Variants in SLC10A7 observed in about 807,000 individuals in gnomAD.
The protein encoded by SLC10A7 is sodium/bile acid cotransporter 7.
In SLC10A7, 29 loss-of-function variants were observed where a neutral mutation model predicts 43.2. The ratio of observed to expected loss-of-function variants is 0.67; its 90% CI spans 0.50 to 0.92. The LOEUF (loss-of-function observed/expected upper bound fraction) is 0.92. SLC10A7 is among the 40% of genes least tolerant of loss of function. SLC10A7 has a pLI of 0.00. For missense variants in SLC10A7, 295 were observed against 403.2 expected (o/e 0.73, Z 2.30); for synonymous variants, 152 against 144.8 (o/e 1.05, Z -0.35).
rs145854219 is a variant in SLC10A7 at position 146,521,658 on chromosome 4, G to T, written c.60C>A (p.Ile20=). ...DWFMVGIVLA[I]AGAKLEPSIG... ...TGGACGGCTCCAGTTTAGCTCCAGC[G>T]ATCGCCAGCACTATTCCGACCATGA... Residue 20 remains isoleucine (I), a synonymous_variant, in exon 1 of 12, where the codon ATC becomes ATA. Coordinates refer to ENST00000335472, the MANE Select transcript of SLC10A7 (RefSeq NM_001029998.6). 1.2e-6 allele frequency: 2 copies of T among 1,614,014 alleles called. No homozygotes were observed. Among genetic ancestry groups the T allele is most frequent in the African/African-American group, 2.7e-5 (2 of 74,888 alleles).
At chr4:146,339,678 G>T (rs934998631) in intron 5 of SLC10A7, among the ~76,000 whole-genome samples, 1 of 151,584 alleles carries the variant, frequency 6.6e-6, no homozygotes, top group Non-Finnish European at 1.5e-5. Flanking sequence ...TTTTAAACAG[G>T]TTTCTCCCTA....
intron 4 of SLC10A7, among the ~76,000 whole-genome samples, chr4:146,444,845 C>G (rs900619776): frequency 2.0e-5 from 3 of 152,166 alleles, no homozygotes; most frequent in African/African-American, 7.2e-5. Flanking sequence ...CACGTGAAAT[C>G]AGACACTGAA....
intron 5 of SLC10A7, among the ~76,000 whole-genome samples, chr4:146,418,319 A>G (rs1156554480): frequency 6.6e-6 from 1 of 152,094 alleles, no homozygotes; most frequent in Non-Finnish European, 1.5e-5. Flanking sequence ...TTTGATACAA[A>G]TCTCTAGTTT....
intron 4 of SLC10A7, among the ~76,000 whole-genome samples, chr4:146,446,276 C>T (rs1229660547): frequency 6.6e-6 from 1 of 152,066 alleles, no homozygotes; most frequent in Non-Finnish European, 1.5e-5. Flanking sequence ...GGGACTTGTC[C>T]TACTGTATTG....
At chr4:146,257,810 C>T (rs1224584068) in intron 11 of SLC10A7, among the ~76,000 whole-genome samples, 1 of 152,080 alleles carries the variant, frequency 6.6e-6, no homozygotes, top group Non-Finnish European at 1.5e-5. Context: ...GCAGGCTGGC[C>T]CAAGATCCAT....
chr4:146,270,163 T>C (rs897471437), intron 10 of SLC10A7, among the ~76,000 whole-genome samples: 8 of 152,206 alleles, frequency 5.3e-5, no homozygotes, highest in Non-Finnish European at 1.2e-4. Flanking sequence ...GATGTCCTGA[T>C]AATCTACTCT....
chr4:146,378,735 AAGTCAT>A (rs1337344862), intron 5 of SLC10A7, among the ~76,000 whole-genome samples: 1 of 152,126 alleles, frequency 6.6e-6, no homozygotes, highest in Non-Finnish European at 1.5e-5. Flanking sequence ...AATAAAACTA[AAGTCAT>A]TTAACAAAGT....
At chr4:146,445,367 T>A (rs1730957661) in intron 4 of SLC10A7, among the ~76,000 whole-genome samples, 1 of 152,054 alleles carries the variant, frequency 6.6e-6, no homozygotes, top group Non-Finnish European at 1.5e-5. Flanking sequence ...CAAACGGGTG[T>A]GGGAACGCGC....
chr4:146,330,084 G>A (rs961803659), intron 5 of SLC10A7, among the ~76,000 whole-genome samples: 2 of 152,062 alleles, frequency 1.3e-5, no homozygotes, highest in Non-Finnish European at 2.9e-5. Context: ...ACTGGCTTTC[G>A]TTGTCTCCTG....
chr4:146,349,776 C>T (rs1371595481), intron 5 of SLC10A7, among the ~76,000 whole-genome samples: 1 of 152,060 alleles, frequency 6.6e-6, no homozygotes, highest in East Asian at 1.9e-4. Flanking sequence ...ACAAGCGGAA[C>T]CTAGATATTG....
chr4:146,275,926 T>G (rs1578761801), intron 10 of SLC10A7, among the ~76,000 whole-genome samples: 1 of 152,072 alleles, frequency 6.6e-6, no homozygotes, highest in Non-Finnish European at 1.5e-5. Context: ...CAAAGCTACG[T>G]AATGACATTC....
At chr4:146,371,568 T>C (rs1736782897) in intron 5 of SLC10A7, among the ~76,000 whole-genome samples, 1 of 152,148 alleles carries the variant, frequency 6.6e-6, no homozygotes, top group Admixed American at 6.6e-5. Context: ...ACGCGATGTG[T>C]TTAGAGAAAG....
intron 5 of SLC10A7, among the ~76,000 whole-genome samples, chr4:146,393,220 A>AT (rs70958506): frequency 6.8e-6 from 1 of 146,792 alleles, no homozygotes; most frequent in East Asian, 2.0e-4. Flanking sequence ...AAAAAAAAAA[A>AT]GTCAATTGCT....
chr4:146,357,089 AAAAG>A (rs1163273442), intron 5 of SLC10A7, among the ~76,000 whole-genome samples: 1 of 152,220 alleles, frequency 6.6e-6, no homozygotes, highest in Non-Finnish European at 1.5e-5. Flanking sequence ...CCATGAAGAA[AAAAG>A]AAAGAAACTA....
intron 5 of SLC10A7, among the ~76,000 whole-genome samples, chr4:146,371,820 G>A (rs1736801401): frequency 6.6e-6 from 1 of 152,130 alleles, no homozygotes. Context: ...TATTGTCAGA[G>A]CCATTATTAA....
At chr4:146,446,432 C>T (rs959015749) in intron 4 of SLC10A7, among the ~76,000 whole-genome samples, 9 of 151,916 alleles carry the variant, frequency 5.9e-5, no homozygotes, top group Admixed American at 3.9e-4. Flanking sequence ...AAAAATTAGC[C>T]AGGCATGGTG....
At chr4:146,282,212 A>G (rs1348235731) in intron 10 of SLC10A7, among the ~76,000 whole-genome samples, 1 of 152,202 alleles carries the variant, frequency 6.6e-6, no homozygotes, top group Non-Finnish European at 1.5e-5. Flanking sequence ...AATAAGCTGA[A>G]GCTCTCAATA....
chr4:146,439,940 T>A (rs1343169848), intron 5 of SLC10A7, among the ~76,000 whole-genome samples: 1 of 152,216 alleles, frequency 6.6e-6, no homozygotes, highest in Non-Finnish European at 1.5e-5. Flanking sequence ...TTCACTCCTC[T>A]AAAATAAATC....
chr4:146,418,055 A>G (rs1251440303), intron 5 of SLC10A7, among the ~76,000 whole-genome samples: 1 of 151,274 alleles, frequency 6.6e-6, no homozygotes, highest in Non-Finnish European at 1.5e-5. Context: ...GATCCACAGA[A>G]AAGAATAGGG....
Sources: allele counts gnomAD v4.1 joint callset (sites outside exome capture counted in the v4.1 genomes callset), GRCh38; gene constraint gnomAD v4.1.1; transcripts MANE v1.5; gene names NCBI Gene and HGNC (gene_info 2026-07-23, HGNC 2026-07-21).